The following ZNF736 variants were observed in gnomAD, a reference collection of about 807,000 sequenced individuals.
ZNF736 encodes zinc finger protein 736.
Under a neutral mutation model 11.7 loss-of-function variants are expected in ZNF736, and 6 were observed. That is an observed-to-expected ratio of 0.51 (90% CI 0.28 to 1.01). The LOEUF is 1.01. Ranked by LOEUF, ZNF736 falls within the 50% of genes least tolerant of loss-of-function variation. The probability of loss-of-function intolerance (pLI) is 0.09; values close to 1 mark genes in which losing one functional copy is unlikely to be tolerated. For missense variants in ZNF736, 444 were observed against 496.0 expected, an observed-to-expected ratio of 0.90 and a Z score of 1.00; for synonymous variants, 139 against 164.7, an observed-to-expected ratio of 0.84 and a Z score of 1.19.
intron 1 of ZNF736, among the ~76,000 whole-genome samples, chr7:64,321,988 GC>G (rs768783675): frequency 2.6e-4 from 40 of 151,910 alleles, no homozygotes; most frequent in Non-Finnish European, 5.3e-4. Context: ...TCGTTAGTTT[GC>G]AGAAATAACA....
chr7:64,338,979 T>G (rs534336527), intron 3 of ZNF736, among the ~76,000 whole-genome samples: 1 of 152,064 alleles, frequency 6.6e-6, no homozygotes, highest in South Asian at 2.1e-4. Flanking sequence ...TTTAATATAT[T>G]GTCAACACTT....
chr7:64,350,441 C>T lies in ZNF736; in HGVS notation c.*1294C>T, dbSNP rs1407714779. 8 of 152,224 alleles carry T rather than the reference C, an allele frequency of 5.3e-5. No homozygotes were observed. The highest frequency in any genetic ancestry group is 2.1e-4 in the South Asian group (1 of 4,822). The allele number at this position is 152,224 out of a possible 1,614,324, so 9.4% of individuals were successfully genotyped here. ...TTTTCTCCAGACTGGCTGTTTTTTC[C>T]GTCAGTTCCTGCAATTTTTTTTCCT... On this transcript the variant is annotated 3_prime_UTR_variant, in exon 4 of 4. Coordinates refer to ENST00000423484, the MANE Select transcript of ZNF736 (RefSeq NM_001170905.3).
chr7:64,334,153 G>A (rs1789213570), intron 1 of ZNF736, among the ~76,000 whole-genome samples: 1 of 152,108 alleles, frequency 6.6e-6, no homozygotes, highest in Non-Finnish European at 1.5e-5. Flanking sequence ...ACTCAAGATG[G>A]ATTAAAGACT....
intron 1 of ZNF736, among the ~76,000 whole-genome samples, chr7:64,319,099 TC>T (rs1300845626): frequency 6.6e-6 from 1 of 151,872 alleles, no homozygotes; most frequent in Non-Finnish European, 1.5e-5. Flanking sequence ...GACTTTGTTT[TC>T]CAAAGAGCCA....
Position 64,336,964 on chromosome 7 carries a change from G to A in ZNF736, c.208G>A (p.Ala70Thr). The change falls in exon 3 of 4, where the codon GCA (alanine) becomes ACA (threonine). Residue 70 changes from alanine (A) to threonine (T), a missense_variant. By Grantham distance (58) the Ala-to-Thr change is moderately conservative. Coordinates refer to ENST00000423484, the MANE Select transcript of ZNF736 (RefSeq NM_001170905.3). ...KEPWKVKRQE[A>T]VAKHPAGSFH... is the part of the protein sequence containing the mutation. ...GCCTTGGAAAGTGAAGAGACAGGAG[G>A]CAGTAGCCAAACACCCAGGTAGGTG... is the stretch of plus-strand genomic sequence containing the variant. The A allele has an allele frequency of 6.2e-7, 1 of 1,603,052 alleles. No homozygotes were observed. Among genetic ancestry groups the A allele is most frequent in the East Asian group, 2.3e-5 (1 of 44,304 alleles).
chr7:64,337,166 G>A (rs1789263400), intron 3 of ZNF736, 184 bp downstream of exon 3: 1 of 614,576 alleles, frequency 1.6e-6, no homozygotes, highest in Non-Finnish European at 2.9e-6. Context: ...AATTTTCCAA[G>A]CACTGTACTT....
chr7:64,329,659 T>A (rs1220789744), intron 1 of ZNF736, among the ~76,000 whole-genome samples: 1 of 152,144 alleles, frequency 6.6e-6, no homozygotes, highest in Non-Finnish European at 1.5e-5. Flanking sequence ...GGAGTGGGTG[T>A]AACACTAGCA....
At chr7:64,347,144 C>T (rs1333138260) in intron 3 of ZNF736, among the ~76,000 whole-genome samples, 1 of 144,048 alleles carries the variant, frequency 6.9e-6, no homozygotes, top group Non-Finnish European at 1.5e-5. Context: ...GCTAGGGAGT[C>T]TTGGAGTCTC....
Position 64,356,541 on chromosome 7 carries a change from T to G in ZNF736, c.*7394T>G, listed in dbSNP as rs1266352175. 6.6e-6 allele frequency among the ~76,000 whole-genome samples: 1 copy of G among 152,164 alleles called. No homozygotes were observed. The highest frequency in any genetic ancestry group is 2.4e-5 in the African/African-American group (1 of 41,462). ...TTAAGATTGAGGATAATATGTAAAA[T>G]AATTTATACAAGTAATATAAACTAA... On this transcript the variant is annotated 3_prime_UTR_variant, in exon 4 of 4. Transcript: ENST00000423484.
At chr7:64,332,705 C>T (rs112333601) in intron 1 of ZNF736, among the ~76,000 whole-genome samples, 13,541 of 152,116 alleles carry the variant, frequency 0.089, 982 homozygotes, top group African/African-American at 0.19. Flanking sequence ...AAGACAGACA[C>T]TCCCAGAGCT....
intron 3 of ZNF736, among the ~76,000 whole-genome samples, chr7:64,338,330 T>C (rs1252319469): frequency 6.6e-6 from 1 of 152,214 alleles, no homozygotes; most frequent in Non-Finnish European, 1.5e-5. Flanking sequence ...ACAAACACAT[T>C]TATGACCTTA....
At chr7:64,340,584 C>T (rs1016281818) in intron 3 of ZNF736, among the ~76,000 whole-genome samples, 6 of 152,130 alleles carry the variant, frequency 3.9e-5, no homozygotes, top group Non-Finnish European at 7.4e-5. Context: ...ATAAAGGTCT[C>T]TTCTTTGAGA....
intron 1 of ZNF736, among the ~76,000 whole-genome samples, chr7:64,319,786 G>A (rs1244549208): frequency 2.8e-5 from 4 of 145,272 alleles, no homozygotes; most frequent in Admixed American, 6.8e-5. Flanking sequence ...GAGCCACTAC[G>A]CTCAGACAAA....
intron 3 of ZNF736, among the ~76,000 whole-genome samples, chr7:64,337,828 C>G (rs1789281143): frequency 6.7e-6 from 1 of 148,456 alleles, no homozygotes; most frequent in Non-Finnish European, 1.5e-5. Context: ...GATCTCGGCT[C>G]CCTGCAACCT....
chr7:64,315,491 T>C (rs1281506103), intron 1 of ZNF736, among the ~76,000 whole-genome samples: 4 of 152,210 alleles, frequency 2.6e-5, no homozygotes, highest in African/African-American at 9.6e-5. Context: ...TAGAGCTTTT[T>C]ATTGGCAGCT....
chr7:64,327,117 A>G (rs1789093572), intron 1 of ZNF736, among the ~76,000 whole-genome samples: 1 of 152,140 alleles, frequency 6.6e-6, no homozygotes, highest in South Asian at 2.1e-4. Flanking sequence ...TACTATCTGG[A>G]TGATCTGTCT....
intron 1 of ZNF736, among the ~76,000 whole-genome samples, chr7:64,331,103 G>C (rs7809572): frequency 0.34 from 51,823 of 152,024 alleles, 9,489 homozygotes; most frequent in African/African-American, 0.48. Context: ...TTCTGGCTCT[G>C]AGCCTAGCAA....
chr7:64,346,947 G>T (rs1376974441), intron 3 of ZNF736, among the ~76,000 whole-genome samples: 1 of 150,570 alleles, frequency 6.6e-6, no homozygotes, highest in Non-Finnish European at 1.5e-5. Flanking sequence ...AATTCAAATT[G>T]TCTCACATAA....
Position 64,348,951 on chromosome 7 carries a change from A to G in ZNF736, c.1088A>G (p.His363Arg), listed in dbSNP as rs545271911. ...ACCCTTTTTAACCACAAGAGAATTC[A>G]TATGGAAGAGAGACCTTACAAATGT... is the stretch of plus-strand genomic sequence containing the variant. ...SSTLFNHKRIHMEERPYKCEE... is the reference protein window; with the variant it reads ...SSTLFNHKRIRMEERPYKCEE... Residue 363 changes from histidine (H) to arginine (R), a missense_variant, in exon 4 of 4, where the codon CAT becomes CGT. Physicochemically the swap from His to Arg is conservative, Grantham distance 29 (BLOSUM62 0). Coordinates refer to ENST00000423484, the MANE Select transcript of ZNF736 (RefSeq NM_001170905.3). 1.3e-6 allele frequency: 2 copies of G among 1,594,304 alleles called. No individual in the cohort carries two copies. Among genetic ancestry groups the G allele is most frequent in the Non-Finnish European group, 1.7e-6 (2 of 1,169,734 alleles).
Sources: allele counts gnomAD v4.1 joint callset (sites outside exome capture counted in the v4.1 genomes callset), GRCh38; gene constraint gnomAD v4.1.1; transcripts MANE v1.5; gene names NCBI Gene and HGNC (gene_info 2026-07-23, HGNC 2026-07-21).